Variants in DTNA observed in about 807,000 individuals in gnomAD.
DTNA encodes dystrophin-related protein 3.
DTNA carries 43 observed loss-of-function variants against 100.7 expected under a neutral mutation model. That is an observed-to-expected ratio of 0.43 (90% confidence interval 0.33 to 0.55). The LOEUF is 0.55. DTNA is among the 20% of genes least tolerant of loss of function. The pLI, the probability that DTNA is intolerant of heterozygous loss-of-function variation, is 0.04. For missense variants in DTNA, 798 were observed against 953.9 expected, an observed-to-expected ratio of 0.84 and a Z score of 2.15; for synonymous variants, 349 against 347.9, an observed-to-expected ratio of 1.00 and a Z score of -0.04.
chr18:34,618,068 G>A (rs967379120), intron 1 of DTNA, among the ~76,000 whole-genome samples: 2 of 152,130 alleles, frequency 1.3e-5, no homozygotes, highest in African/African-American at 4.8e-5. Flanking sequence ...TTAGAGCTGG[G>A]AGCAGGTTTA....
At chr18:34,691,441 G>A (rs1169133957) in intron 1 of DTNA, among the ~76,000 whole-genome samples, 4 of 152,146 alleles carry the variant, frequency 2.6e-5, no homozygotes, top group African/African-American at 9.7e-5. Context: ...TTACTTCAAG[G>A]ACTAGGAAAC....
chr18:34,707,271 G>T (rs951341408), upstream of DTNA, among the ~76,000 whole-genome samples: 4 of 152,078 alleles, frequency 2.6e-5, no homozygotes, highest in African/African-American at 9.7e-5. Context: ...ACTTCCTGGG[G>T]TACCTTCTGA....
intron 1 of DTNA, among the ~76,000 whole-genome samples, chr18:34,506,384 G>A (rs1568554035): frequency 6.6e-6 from 1 of 152,134 alleles, no homozygotes; most frequent in Non-Finnish European, 1.5e-5. Flanking sequence ...GAAAATGAAA[G>A]TCCCAGCTTT....
At chr18:34,602,426 A>G (rs1012788596) in intron 1 of DTNA, among the ~76,000 whole-genome samples, 5 of 152,220 alleles carry the variant, frequency 3.3e-5, no homozygotes, top group African/African-American at 4.8e-5. Context: ...AATGCATAAA[A>G]GTTCTACACT....
At chr18:34,596,278 G>A (rs991906375) in intron 1 of DTNA, among the ~76,000 whole-genome samples, 1 of 152,122 alleles carries the variant, frequency 6.6e-6, no homozygotes, top group African/African-American at 2.4e-5. Context: ...GACATGACGC[G>A]ATTGATCTCC....
intron 9 of DTNA, among the ~76,000 whole-genome samples, chr18:34,822,860 C>A (rs1296373890): frequency 6.6e-6 from 1 of 151,952 alleles, no homozygotes; most frequent in Non-Finnish European, 1.5e-5. Flanking sequence ...TGAGAAAAAC[C>A]TCTATGTATT....
intron 1 of DTNA, among the ~76,000 whole-genome samples, chr18:34,748,929 C>G (rs947319641): frequency 6.6e-6 from 1 of 152,172 alleles, no homozygotes; most frequent in African/African-American, 2.4e-5. Flanking sequence ...TTCTACCCAT[C>G]CATGAGCATG....
At chr18:34,844,668 AAT>A (rs1277550528) in intron 13 of DTNA, among the ~76,000 whole-genome samples, 1 of 152,130 alleles carries the variant, frequency 6.6e-6, no homozygotes, top group Non-Finnish European at 1.5e-5. Context: ...ATGAAAAGAA[AAT>A]ATAGAAGCAT....
At chr18:34,777,836 G>A (rs961144173) in intron 3 of DTNA, among the ~76,000 whole-genome samples, 1 of 152,244 alleles carries the variant, frequency 6.6e-6, no homozygotes, top group Admixed American at 6.5e-5. Context: ...CCACATGTGG[G>A]CATTACAATT....
intron 15 of DTNA, 108 bp downstream of exon 15, chr18:34,852,036 A>G: frequency 9.2e-7 from 1 of 1,081,526 alleles, no homozygotes; most frequent in Non-Finnish European, 1.4e-6. Context: ...TGGCTACTCA[A>G]GGGAAGACAT....
intron 4 of DTNA, 59 bp downstream of exon 4, chr18:34,794,309 A>C: frequency 6.3e-7 from 1 of 1,596,052 alleles, no homozygotes; most frequent in Non-Finnish European, 8.6e-7. Context: ...TTCCTGTCTT[A>C]CTTGGTCTTT....
intron 1 of DTNA, among the ~76,000 whole-genome samples, chr18:34,721,013 A>G (rs2085197019): frequency 6.6e-6 from 1 of 152,196 alleles, no homozygotes; most frequent in Non-Finnish European, 1.5e-5. Context: ...ATGGTGATTT[A>G]CTGTTTGCAA....
intron 1 of DTNA, among the ~76,000 whole-genome samples, chr18:34,671,820 G>C (rs2076796980): frequency 6.6e-6 from 1 of 151,868 alleles, no homozygotes; most frequent in South Asian, 2.1e-4. Flanking sequence ...AGTTATACCA[G>C]ATCACACTGT....
At chr18:34,741,438 T>C (rs1377780687) in intron 1 of DTNA, among the ~76,000 whole-genome samples, 2 of 152,204 alleles carry the variant, frequency 1.3e-5, no homozygotes, top group Non-Finnish European at 2.9e-5. Flanking sequence ...AATTTGTTCA[T>C]ATTAATTAAG....
intron 1 of DTNA, among the ~76,000 whole-genome samples, chr18:34,594,143 GAAA>G (rs35934512): frequency 7.0e-6 from 1 of 143,626 alleles, no homozygotes; most frequent in Non-Finnish European, 1.5e-5. Flanking sequence ...CCTCCTTCAG[GAAA>G]AAAAAAAAAG....
intron 1 of DTNA, among the ~76,000 whole-genome samples, chr18:34,677,169 G>C (rs1016665398): frequency 5.3e-5 from 8 of 152,106 alleles, no homozygotes; most frequent in African/African-American, 1.9e-4. Flanking sequence ...AGTAGAAAAG[G>C]AACAGCAGAA....
chr18:34,742,094 G>A (rs563914964), intron 1 of DTNA, among the ~76,000 whole-genome samples: 179 of 152,286 alleles, frequency 1.2e-3, no homozygotes, highest in Non-Finnish European at 2.3e-3. Flanking sequence ...GAGGATTAGG[G>A]AGGTAGTGCA....
chr18:34,653,942 A>G (rs12961876), intron 1 of DTNA, among the ~76,000 whole-genome samples: 9,168 of 152,274 alleles, frequency 0.06, 330 homozygotes, highest in Non-Finnish European at 0.075. Flanking sequence ...ACATTGTCTC[A>G]CTTCAGCCTC....
intron 18 of DTNA, 92 bp downstream of exon 18, chr18:34,875,490 T>C: frequency 6.4e-7 from 1 of 1,570,530 alleles, no homozygotes; most frequent in Non-Finnish European, 8.7e-7. Flanking sequence ...CAGAACCACA[T>C]GTGACTATTG....
Sources: gnomAD v4.1 joint callset for allele counts (sites outside exome capture counted in the v4.1 genomes callset) on GRCh38, gnomAD v4.1.1 for gene constraint, MANE v1.5 for transcripts, NCBI Gene and HGNC (gene_info 2026-07-23, HGNC 2026-07-21) for gene names.